The following SGCZ variants were observed in gnomAD, a reference collection of about 807,000 sequenced individuals.
SGCZ encodes zeta-sarcoglycan.
In SGCZ, 40 loss-of-function variants were observed where a neutral mutation model predicts 41.3. The ratio of observed to expected loss-of-function variants is 0.97; its 90% CI spans 0.75 to 1.26. The LOEUF (loss-of-function observed/expected upper bound fraction) is 1.26. Ranked by LOEUF, SGCZ falls within the 50% of genes most tolerant of loss-of-function variation. The probability of loss-of-function intolerance (pLI) is 0.00; values close to 1 mark genes in which losing one functional copy is unlikely to be tolerated. For synonymous variants in SGCZ, 206 were observed against 137.5 expected, an observed-to-expected ratio of 1.50 and a Z score of -3.49; for missense variants, 552 against 369.8, an observed-to-expected ratio of 1.49 and a Z score of -4.04.
chr8:15,006,755 A>G (rs1014980763), intron 1 of SGCZ, among the ~76,000 whole-genome samples: 3 of 152,168 alleles, frequency 2.0e-5, no homozygotes, highest in Non-Finnish European at 4.4e-5. Flanking sequence ...TGGCCCATTG[A>G]TATATTCATA....
chr8:14,551,448 ATATATATTATATATAT>A (rs1803807238), intron 2 of SGCZ, among the ~76,000 whole-genome samples: 2 of 2,396 alleles, frequency 8.3e-4, no homozygotes, highest in African/African-American at 1.2e-3. Context: ...ACTATTTCAT[ATATATATTATATATAT>A]TATATATATT....
chr8:14,225,438 T>C (rs2117132986), intron 4 of SGCZ, among the ~76,000 whole-genome samples: 1 of 151,994 alleles, frequency 6.6e-6, no homozygotes, highest in South Asian at 2.1e-4. Context: ...TACTAAAAAT[T>C]GAGGCTGAGA....
At chr8:14,571,493 A>G (rs1258157194) in intron 1 of SGCZ, among the ~76,000 whole-genome samples, 1 of 152,182 alleles carries the variant, frequency 6.6e-6, no homozygotes, top group African/African-American at 2.4e-5. Flanking sequence ...TCCTATTAAT[A>G]TTCTGTGTGG....
At chr8:14,419,142 T>C (rs1459708513) in intron 2 of SGCZ, among the ~76,000 whole-genome samples, 1 of 151,846 alleles carries the variant, frequency 6.6e-6, no homozygotes, top group Non-Finnish European at 1.5e-5. Flanking sequence ...TTTAATATAT[T>C]ACCAAACTCA....
chr8:14,620,092 A>T (rs1359687850), intron 1 of SGCZ, among the ~76,000 whole-genome samples: 1 of 152,178 alleles, frequency 6.6e-6, no homozygotes, highest in Non-Finnish European at 1.5e-5. Flanking sequence ...CAAAACAGAG[A>T]TATAGACCAA....
At chr8:14,457,938 T>C (rs1800796198) in intron 2 of SGCZ, among the ~76,000 whole-genome samples, 1 of 152,096 alleles carries the variant, frequency 6.6e-6, no homozygotes, top group Non-Finnish European at 1.5e-5. Context: ...TCTCTTTGTC[T>C]TGTGTCTTTA....
chr8:14,537,163 G>C (rs1803321655), intron 2 of SGCZ, among the ~76,000 whole-genome samples: 1 of 151,824 alleles, frequency 6.6e-6, no homozygotes, highest in African/African-American at 2.4e-5. Flanking sequence ...CTGCAATAGA[G>C]TTATCTCCTG....
chr8:15,224,461 C>T (rs1035047109), intron 1 of SGCZ, among the ~76,000 whole-genome samples: 4 of 152,136 alleles, frequency 2.6e-5, no homozygotes, highest in South Asian at 2.1e-4. Flanking sequence ...AGAAAGAAAA[C>T]GACTTTATCA....
At chr8:14,250,866 C>G (rs554142832) in intron 3 of SGCZ, among the ~76,000 whole-genome samples, 73 of 152,212 alleles carry the variant, frequency 4.8e-4, no homozygotes, top group African/African-American at 1.7e-3. Context: ...ATCCTTTAAT[C>G]ATGTTGACTT....
At chr8:14,677,766 G>A (rs189618865) in intron 1 of SGCZ, among the ~76,000 whole-genome samples, 106 of 152,092 alleles carry the variant, frequency 7.0e-4, no homozygotes, top group Admixed American at 3.6e-3. Context: ...ATGAGACTCC[G>A]TCTAAATAAA....
intron 1 of SGCZ, among the ~76,000 whole-genome samples, chr8:15,118,005 G>A (rs1041890425): frequency 6.6e-6 from 1 of 152,158 alleles, no homozygotes; most frequent in African/African-American, 2.4e-5. Context: ...GTAAATCTCT[G>A]CTGAATTATC....
At chr8:15,002,252 G>C (rs1290839109) in intron 1 of SGCZ, among the ~76,000 whole-genome samples, 1 of 150,912 alleles carries the variant, frequency 6.6e-6, no homozygotes, top group Non-Finnish European at 1.5e-5. Context: ...CTAGTGCAGT[G>C]ATATTTGCCT....
intron 2 of SGCZ, among the ~76,000 whole-genome samples, chr8:14,365,201 A>G (rs1283944660): frequency 6.6e-6 from 1 of 152,050 alleles, no homozygotes; most frequent in East Asian, 1.9e-4. Flanking sequence ...ACCTACTTAC[A>G]GATTTTATAC....
intron 2 of SGCZ, among the ~76,000 whole-genome samples, chr8:14,337,085 A>G (rs1316114834): frequency 1.3e-5 from 2 of 152,140 alleles, no homozygotes; most frequent in African/African-American, 4.8e-5. Flanking sequence ...AGCCCTTTCA[A>G]GTATCTCCAT....
chr8:14,981,053 A>G (rs1199292096), intron 1 of SGCZ, among the ~76,000 whole-genome samples: 2 of 152,152 alleles, frequency 1.3e-5, no homozygotes, highest in African/African-American at 4.8e-5. Context: ...TTAATTAAAT[A>G]TGGCTTGTAT....
chr8:14,110,063 T>G (rs895194919), intron 5 of SGCZ, among the ~76,000 whole-genome samples: 1 of 152,160 alleles, frequency 6.6e-6, no homozygotes, highest in Non-Finnish European at 1.5e-5. Flanking sequence ...CTTTTGATAT[T>G]TTGGAAGATA....
Position 14,620,429 on chromosome 8 carries a change from A to T in SGCZ, c.40-65503T>A, listed in dbSNP as rs918660864. ...AAAAGCAATGGCAACAAAAGCCAAAATTGACAAATGGGATCTAATTAAACT... is the reference window on the plus strand; with the variant it reads ...AAAAGCAATGGCAACAAAAGCCAAATTTGACAAATGGGATCTAATTAAACT... On this transcript the variant is annotated intron_variant, in intron 1 of 7. Coordinates refer to ENST00000382080, the MANE Select transcript of SGCZ (RefSeq NM_139167.4). Among the ~76,000 whole-genome samples the T allele has an allele frequency of 2.6e-5, 4 of 152,308 alleles. 1 individual carries two copies. The highest frequency in any genetic ancestry group is 9.6e-5 in the African/African-American group (4 of 41,582).
chr8:14,812,138 T>G (rs770581772), intron 1 of SGCZ, among the ~76,000 whole-genome samples: 1 of 151,978 alleles, frequency 6.6e-6, no homozygotes, highest in Non-Finnish European at 1.5e-5. Flanking sequence ...TTAAAGATAT[T>G]TTAAAATATT....
At chr8:14,851,452 G>T (rs118128691) in intron 1 of SGCZ, among the ~76,000 whole-genome samples, 16 of 146,660 alleles carry the variant, frequency 1.1e-4, no homozygotes, top group East Asian at 6.1e-4. Flanking sequence ...ATCTGGAAAA[G>T]AAATTAATAC....
Sources: allele counts gnomAD v4.1 joint callset (sites outside exome capture counted in the v4.1 genomes callset), GRCh38; gene constraint gnomAD v4.1.1; transcripts MANE v1.5; gene names NCBI Gene and HGNC (gene_info 2026-07-23, HGNC 2026-07-21).